Variants in MACROD2 observed in about 807,000 individuals in gnomAD.
The protein encoded by MACROD2 is mono-ADP ribosylhydrolase 2.
A neutral mutation model predicts 70.4 loss-of-function variants in MACROD2; 36 were observed. That is an observed-to-expected ratio of 0.51 (90% CI 0.39 to 0.68). The LOEUF is 0.68. Ranked by LOEUF, MACROD2 falls within the 30% of genes least tolerant of loss-of-function variation. The probability of loss-of-function intolerance (pLI) is 0.00; values close to 1 mark genes in which losing one functional copy is unlikely to be tolerated. For synonymous variants in MACROD2, 172 were observed against 178.8 expected (o/e 0.96, Z 0.30); for missense variants, 496 against 538.4 (o/e 0.92, Z 0.78).
At chr20:15,725,387 T>C (rs2050846620) in intron 8 of MACROD2, among the ~76,000 whole-genome samples, 1 of 152,192 alleles carries the variant, frequency 6.6e-6, no homozygotes, top group African/African-American at 2.4e-5. Flanking sequence ...TTCCATCTGT[T>C]TATTGCTGGC....
At chr20:14,187,093 C>T (rs1263205549) in intron 3 of MACROD2, among the ~76,000 whole-genome samples, 3 of 146,680 alleles carry the variant, frequency 2.0e-5, no homozygotes, top group South Asian at 2.1e-4. Flanking sequence ...GCGTGTACCC[C>T]GAACCTAAAC....
intron 8 of MACROD2, among the ~76,000 whole-genome samples, chr20:15,716,374 T>G (rs1204439271): frequency 6.6e-6 from 1 of 152,216 alleles, no homozygotes; most frequent in Non-Finnish European, 1.5e-5. Context: ...TGGTCGATTC[T>G]AGATATGTGT....
intron 8 of MACROD2, among the ~76,000 whole-genome samples, chr20:15,614,465 G>T (rs961382920): frequency 1.3e-5 from 2 of 152,150 alleles, no homozygotes; most frequent in Admixed American, 6.5e-5. Context: ...AAGCATGCCA[G>T]CTCTCCAGAA....
chr20:15,951,590 T>C (rs2065906934), intron 12 of MACROD2, among the ~76,000 whole-genome samples: 1 of 152,090 alleles, frequency 6.6e-6, no homozygotes. Flanking sequence ...AGGCAAAAAT[T>C]GATTATTTTC....
At chr20:14,367,267 G>A (rs1177421716) in intron 3 of MACROD2, among the ~76,000 whole-genome samples, 1 of 151,960 alleles carries the variant, frequency 6.6e-6, no homozygotes, top group East Asian at 1.9e-4. Flanking sequence ...ATTGTTTTAT[G>A]CATCTGTCTT....
rs546698150 is a variant in MACROD2, at chr20:15,697,426, A to G, written c.646-165319A>G. Among the ~76,000 whole-genome samples the G allele has an allele frequency of 9.0e-4, 137 of 152,292 alleles. 1 individual carries two copies. The highest frequency in any genetic ancestry group is 3.1e-3 in the African/African-American group (127 of 41,564). On this transcript the variant is annotated intron_variant, in intron 8 of 17. Coordinates refer to ENST00000684519, the MANE Select transcript of MACROD2 (RefSeq NM_001351661.2). ...ACTGTGGTCTGAGAGAGTGCTTGCT[A>G]TAATTTCAATTTTCTTAAATTTATT...
intron 6 of MACROD2, among the ~76,000 whole-genome samples, chr20:15,402,974 T>G (rs960509174): frequency 6.6e-6 from 1 of 152,102 alleles, no homozygotes; most frequent in East Asian, 1.9e-4. Context: ...TTTTTGTTTT[T>G]TTTTGTTTTG....
chr20:15,014,409 A>G (rs2075105634), intron 5 of MACROD2, among the ~76,000 whole-genome samples: 1 of 152,178 alleles, frequency 6.6e-6, no homozygotes, highest in South Asian at 2.1e-4. Flanking sequence ...ATATTTTTTT[A>G]TAGTCTAAAA....
At position 15,967,564 on chromosome 20, in the gene MACROD2, G is replaced by A; in HGVS notation, c.919G>A (p.Asp307Asn). 6 of 1,609,728 alleles carry A rather than the reference G, an allele frequency of 3.7e-6. No individual in the cohort carries two copies. The highest frequency in any genetic ancestry group is 5.1e-6 in the Non-Finnish European group (6 of 1,178,076). The change falls in exon 13 of 18, where the codon GAT becomes AAT. Residue 307 changes from aspartate (D) to asparagine (N), a missense_variant. Asp to Asn is a conservative substitution (Grantham distance 23). Coordinates refer to ENST00000684519, the MANE Select transcript of MACROD2 (RefSeq NM_001351661.2). ...EDCKDEDFAK[D>N]ENITKGGEVT... ...TTGTTTGTTGTTAGATTTTGCAAAG[G>A]ATGAAAATATTACAAAAGGCGGTGA...
At chr20:14,914,839 T>C (rs1464955018) in intron 5 of MACROD2, among the ~76,000 whole-genome samples, 1 of 152,174 alleles carries the variant, frequency 6.6e-6, no homozygotes, top group African/African-American at 2.4e-5. Context: ...ATATTTCATG[T>C]TGTTTTGGCT....
At chr20:14,383,182 T>C (rs2083439315) in intron 3 of MACROD2, among the ~76,000 whole-genome samples, 1 of 152,222 alleles carries the variant, frequency 6.6e-6, no homozygotes, top group Non-Finnish European at 1.5e-5. Flanking sequence ...AAGTACCAAT[T>C]GAAGGGACCA....
rs562390820 is a variant in MACROD2 at position 15,889,763 on chromosome 20, C to T, written c.775+3952C>T. Among the ~76,000 whole-genome samples, 7 of 152,272 alleles carry T rather than the reference C, an allele frequency of 4.6e-5. No individual in the cohort carries two copies. In the South Asian group the frequency reaches 1.5e-3, roughly 32 times the overall value. On this transcript the variant is annotated intron_variant, in intron 10 of 17. Transcript: ENST00000684519. The stretch of plus-strand genomic sequence containing the variant: ...GCAGGGACAGAAAATTATCAACCAC[C>T]TATGGAAACTCAACCACATCACAGC...
intron 6 of MACROD2, among the ~76,000 whole-genome samples, chr20:15,294,499 A>G (rs2077569253): frequency 6.6e-6 from 1 of 152,222 alleles, no homozygotes; most frequent in South Asian, 2.1e-4. Flanking sequence ...TCTCAAGTGT[A>G]ATTCTTCAGA....
At chr20:14,868,193 T>C (rs1191204766) in intron 5 of MACROD2, among the ~76,000 whole-genome samples, 1 of 106,996 alleles carries the variant, frequency 9.3e-6, no homozygotes, top group East Asian at 2.0e-4. Context: ...TCTTTCTTTC[T>C]TTTTTTTTTT....
intron 3 of MACROD2, among the ~76,000 whole-genome samples, chr20:14,334,262 T>C (rs1432698873): frequency 3.3e-5 from 5 of 152,210 alleles, no homozygotes; most frequent in African/African-American, 1.2e-4. Context: ...TTTAACCAAA[T>C]TGAGTGATGT....
At chr20:15,190,473 A>C (rs557381660) in intron 5 of MACROD2, among the ~76,000 whole-genome samples, 1 of 152,320 alleles carries the variant, frequency 6.6e-6, no homozygotes, top group East Asian at 1.9e-4. Flanking sequence ...TGGATCGTGC[A>C]TTCGTTTAGA....
At chr20:14,502,856 A>G (rs1322486417) in intron 4 of MACROD2, among the ~76,000 whole-genome samples, 1 of 152,184 alleles carries the variant, frequency 6.6e-6, no homozygotes, top group Non-Finnish European at 1.5e-5. Flanking sequence ...ACAAATATGG[A>G]TAGAGGAATA....
intron 3 of MACROD2, among the ~76,000 whole-genome samples, chr20:14,197,365 T>C (rs1007088642): frequency 1.3e-5 from 2 of 152,226 alleles, no homozygotes; most frequent in Admixed American, 1.3e-4. Flanking sequence ...AAAATATTTT[T>C]AGTCTTCCAA....
At chr20:15,055,237 A>ACAAATTATAATC (rs2075475307) in intron 5 of MACROD2, among the ~76,000 whole-genome samples, 2 of 152,216 alleles carry the variant, frequency 1.3e-5, no homozygotes, top group Non-Finnish European at 2.9e-5. Flanking sequence ...GGCATGAGCC[A>ACAAATTATAATC]CCACACCTGG....
Sources: allele counts gnomAD v4.1 joint callset (sites outside exome capture counted in the v4.1 genomes callset), GRCh38; gene constraint gnomAD v4.1.1; transcripts MANE v1.5; gene names NCBI Gene and HGNC (gene_info 2026-07-23, HGNC 2026-07-21).